The following WASHC5 variants were observed in gnomAD, a reference collection of about 807,000 sequenced individuals.
WASHC5 encodes the protein WASH complex subunit 5, also known as WASH complex subunit strumpellin.
Under a neutral mutation model 150.4 loss-of-function variants are expected in WASHC5, and 101 were observed. The ratio of observed to expected loss-of-function variants is 0.67; its 90% CI spans 0.57 to 0.79. WASHC5 has a LOEUF of 0.79. Among genes scored for constraint, WASHC5 ranks in the 30% least tolerant of loss-of-function variants. The pLI is 0.00. For synonymous variants in WASHC5, 467 were observed against 491.2 expected, an observed-to-expected ratio of 0.95 and a Z score of 0.65; for missense variants, 1,195 against 1,396.3, an observed-to-expected ratio of 0.86 and a Z score of 2.30.
intron 11 of WASHC5, among the ~76,000 whole-genome samples, chr8:125,063,037 G>A (rs929083138): frequency 6.6e-6 from 1 of 151,966 alleles, no homozygotes; most frequent in African/African-American, 2.4e-5. Context: ...AGGTGCATTC[G>A]TGAACAAGAA....
chr8:125,048,866 C>T (rs1266258123), intron 19 of WASHC5, 140 bp downstream of exon 19: 1 of 683,468 alleles, frequency 1.5e-6, no homozygotes, highest in Non-Finnish European at 2.4e-6. Flanking sequence ...TTTCTGCAAC[C>T]CTCCTGGCTC....
At position 125,055,552 on chromosome 8, in the gene WASHC5, G is replaced by A. The variant is rs372779619; in HGVS notation, c.2097+39C>T. The A allele has an allele frequency of 5.5e-5, 65 of 1,184,720 alleles. 3 individuals are homozygous for A. The East Asian group carries it at 5.6e-4, about 10-fold the overall frequency. The allele number at this position is 1,184,720 out of a possible 1,614,324, so 73.4% of individuals were successfully genotyped here. A position where few individuals can be genotyped will look rare whatever the true frequency, so the allele number is the denominator to read the frequency against. The stretch of plus-strand genomic sequence containing the variant: ...ACCACAAAAACCCAAACAGCTAAGA[G>A]TCATGGTGCGAGGCCACGCAGACTA... On this transcript the variant is annotated intron_variant, in intron 17 of 28. Transcript: ENST00000318410.
intron 25 of WASHC5, among the ~76,000 whole-genome samples, chr8:125,038,615 T>G (rs546173515): frequency 6.6e-6 from 1 of 152,198 alleles, no homozygotes; most frequent in Non-Finnish European, 1.5e-5. Context: ...CCCTTTGTCA[T>G]GAGCTTTCAC....
Position 125,082,471 on chromosome 8 carries a change from G to A in WASHC5, c.333-4C>T, listed in dbSNP as rs752435561. 4.2e-6 allele frequency: 6 copies of A among 1,445,636 alleles called. No homozygotes were observed. Among genetic ancestry groups the A allele is most frequent in the African/African-American group, 1.4e-5 (1 of 71,876 alleles). 89.6% of individuals were successfully genotyped at this position (1,445,636 alleles called of 1,614,324 possible). A position where few individuals can be genotyped will look rare whatever the true frequency, so the allele number is the denominator to read the frequency against. On this transcript the variant is annotated splice_region_variant and splice_polypyrimidine_tract_variant and intron_variant, in intron 3 of 28. Coordinates refer to ENST00000318410, the MANE Select transcript of WASHC5 (RefSeq NM_014846.4). The stretch of plus-strand genomic sequence containing the variant: ...TTCATTGAGATCATCTAGATATCTA[G>A]AAATAAAACCACAGTGCAAGTTATT...
At position 125,043,906 on chromosome 8, in the gene WASHC5, T is replaced by G. The variant is rs181946889; in HGVS notation, c.2771-2A>C. 1 of 1,611,354 alleles carries G rather than the reference T, an allele frequency of 6.2e-7. No individual in the cohort carries two copies. The highest frequency in any genetic ancestry group is 2.2e-5 in the East Asian group (1 of 44,860). ...AAAAATAAATTTTATTTGAATTTGC[T>G]GAAAAGTTAAAACATAATTTTCTCT... On this transcript the variant is annotated splice_acceptor_variant, in intron 22 of 28. Transcript: ENST00000318410. LOFTEE classifies it high-confidence loss of function.
chr8:125,075,194 T>C (rs1817015818), intron 7 of WASHC5, 83 bp from the exon 8 acceptor site: 2 of 850,832 alleles, frequency 2.4e-6, no homozygotes, highest in Admixed American at 1.7e-5. Context: ...TAGAAGGCAA[T>C]ACCCACTCCA....
At chr8:125,047,435 A>G in intron 19 of WASHC5, 104 bp from the exon 20 acceptor site, 1 of 1,218,044 alleles carries the variant, frequency 8.2e-7, no homozygotes, top group Non-Finnish European at 1.2e-6. Context: ...AAGAGTGACA[A>G]TAAAGGTTGT....
intron 28 of WASHC5, 130 bp from the exon 29 acceptor site, chr8:125,024,803 C>T: frequency 1.5e-6 from 1 of 674,928 alleles, no homozygotes; most frequent in Admixed American, 2.4e-5. Context: ...GGGCGGACGA[C>T]TCCTTGAAAC....
chr8:125,045,274 C>T (rs1263760338), intron 20 of WASHC5, among the ~76,000 whole-genome samples: 1 of 152,186 alleles, frequency 6.6e-6, no homozygotes, highest in African/African-American at 2.4e-5. Flanking sequence ...CAACAACCAA[C>T]CATATTTACT....
intron 1 of WASHC5, among the ~76,000 whole-genome samples, chr8:125,086,313 TC>T (rs764112867): frequency 6.8e-4 from 103 of 152,132 alleles, no homozygotes; most frequent in Admixed American, 2.0e-4. Flanking sequence ...ATTGCTCATT[TC>T]TTTGTATAGA....
chr8:125,041,004 A>C (rs1227525933), intron 23 of WASHC5, among the ~76,000 whole-genome samples: 1 of 152,240 alleles, frequency 6.6e-6, no homozygotes, highest in Non-Finnish European at 1.5e-5. Context: ...CAAATCTGTG[A>C]TATAGAGTTA....
chr8:125,026,227 A>G (rs1586327078), intron 28 of WASHC5, among the ~76,000 whole-genome samples: 1 of 151,914 alleles, frequency 6.6e-6, no homozygotes, highest in African/African-American at 2.4e-5. Context: ...TGTCATTTCT[A>G]TTTTCTTGAA....
At position 125,050,421 on chromosome 8, in the gene WASHC5, C is replaced by A. The variant is rs1357775275; in HGVS notation, c.2199+143G>T. 9 of 535,828 alleles carry A rather than the reference C, an allele frequency of 1.7e-5. No individual in the cohort carries two copies. The East Asian group carries it at 2.6e-4, about 16-fold the overall frequency. The allele number at this position is 535,828 out of a possible 1,614,324, so 33.2% of individuals were successfully genotyped here. A position where few individuals can be genotyped will look rare whatever the true frequency, so the allele number is the denominator to read the frequency against. Reference sequence around the variant, plus strand: ...TGGATTATAAGATCAAAAAGCACATCAGTTGTTTGTGTTGAAAATCACATA... The same window carrying A: ...TGGATTATAAGATCAAAAAGCACATAAGTTGTTTGTGTTGAAAATCACATA... On this transcript the variant is annotated intron_variant, in intron 18 of 28. Transcript: ENST00000318410.
In WASHC5 at chr8:125,059,363, C is replaced by T; in HGVS notation, c.1688+13G>A. The T allele has an allele frequency of 6.2e-7, 1 of 1,614,058 alleles. No homozygotes were observed. Reference sequence around the variant, plus strand: ...CCTTTCATCTACAGCAAATGTCAGGCTGCCTACATTACCTGTCAATCAACT... The same window carrying T: ...CCTTTCATCTACAGCAAATGTCAGGTTGCCTACATTACCTGTCAATCAACT... On this transcript the variant is annotated intron_variant, in intron 13 of 28. Coordinates refer to ENST00000318410, the MANE Select transcript of WASHC5 (RefSeq NM_014846.4).
At chr8:125,042,452 A>G (rs776267776) in intron 23 of WASHC5, among the ~76,000 whole-genome samples, 19 of 152,090 alleles carry the variant, frequency 1.2e-4, no homozygotes, top group Non-Finnish European at 2.4e-4. Flanking sequence ...GACTGTACGC[A>G]CCCTAATTCA....
intron 15 of WASHC5, 45 bp downstream of exon 15, chr8:125,057,511 G>GC: frequency 8.2e-7 from 1 of 1,221,228 alleles, no homozygotes; most frequent in Non-Finnish European, 1.2e-6. Context: ...ATTTAAAACA[G>GC]CAGTTATCTG....
intron 1 of WASHC5, among the ~76,000 whole-genome samples, chr8:125,088,435 AAGG>A (rs1218172111): frequency 2.1e-5 from 3 of 140,312 alleles, no homozygotes; most frequent in African/African-American, 9.1e-5. Context: ...AAAAAAAAAA[AAGG>A]GGGAGGGGGG....
chr8:125,054,616 G>A (rs1013819194), intron 17 of WASHC5, among the ~76,000 whole-genome samples: 16 of 151,882 alleles, frequency 1.1e-4, no homozygotes, highest in Non-Finnish European at 5.9e-5. Flanking sequence ...GGCGGGTCAC[G>A]AGGTCAGGAG....
intron 11 of WASHC5, 53 bp from the exon 12 acceptor site, chr8:125,061,247 G>T: frequency 1.0e-6 from 1 of 975,296 alleles, no homozygotes; most frequent in Non-Finnish European, 1.6e-6. Flanking sequence ...CTGTAGCTGT[G>T]GCTTTGAATT....
Sources: allele counts gnomAD v4.1 joint callset (sites outside exome capture counted in the v4.1 genomes callset), GRCh38; gene constraint gnomAD v4.1.1; transcripts MANE v1.5; gene names NCBI Gene and HGNC (gene_info 2026-07-23, HGNC 2026-07-21).